Variants in OR3A1 observed in about 807,000 individuals in gnomAD.
The protein encoded by OR3A1 is olfactory receptor family 3 subfamily A member 1, also known as olfactory receptor 3A1.
For synonymous variants in OR3A1, 145 were observed against 160.0 expected, an observed-to-expected ratio of 0.91 and a Z score of 0.71; for missense variants, 402 against 393.8, an observed-to-expected ratio of 1.02 and a Z score of -0.18.
chr17:3,293,176 G>A (rs2048891212), intron 1 of OR3A1, among the ~76,000 whole-genome samples: 1 of 150,574 alleles, frequency 6.6e-6, no homozygotes. Flanking sequence ...AGGGTGGGTA[G>A]GGGGAGGCAA....
At position 3,291,336 on chromosome 17, in the gene OR3A1, C is replaced by T. The variant is rs2048864318; in HGVS notation, c.*299G>A. On this transcript the variant is annotated 3_prime_UTR_variant, in exon 2 of 2. Coordinates refer to ENST00000323404, the MANE Select transcript of OR3A1 (RefSeq NM_002550.3). ...GTAACCAACCAAAGAGTCATTCCTT[C>T]TGGAACATGAACCTGTCAGCACTCA... is the stretch of plus-strand genomic sequence containing the variant. The T allele has an allele frequency of 6.9e-6, 2 of 289,430 alleles. No individual in the cohort carries two copies. Among genetic ancestry groups the T allele is most frequent in the Admixed American group, 4.6e-5 (1 of 21,836 alleles). 17.9% of individuals were successfully genotyped at this position (289,430 alleles called of 1,614,324 possible).
At chr17:3,293,242 G>C (rs573018436) in intron 1 of OR3A1, among the ~76,000 whole-genome samples, 1 of 151,736 alleles carries the variant, frequency 6.6e-6, no homozygotes, top group Admixed American at 6.6e-5. Context: ...ATGGTGTAAA[G>C]TATGGCACCA....
rs2150622171 is a variant in OR3A1, at chr17:3,292,337, TG to T, written c.245del (p.Pro82HisfsTer4). 1 of 1,614,002 alleles carries T rather than the reference TG, an allele frequency of 6.2e-7. No individual in the cohort carries two copies. Among genetic ancestry groups the T allele is most frequent in the Non-Finnish European group, 8.5e-7 (1 of 1,179,986 alleles). On this transcript the variant is annotated frameshift_variant, in exon 2 of 2. Transcript: ENST00000323404. LOFTEE classifies it low-confidence loss of function (END_TRUNC). ...GGGACAGGAGACGACTCAACATTGA[TG>T]GAACAGTGACGCTGATGCACCCAAC... ...LDVGCISVTVPSMLSRLLSRK... is the reference protein window; with the variant it reads ...LDVGCISVTVXSMLSRLLSRK...
rs1597321760 is a variant in OR3A1 at position 3,291,848 on chromosome 17, G to A, written c.735C>T (p.Gly245=). Residue 245 remains glycine, a synonymous_variant, in exon 2 of 2, where the codon GGC becomes GGT. Coordinates refer to ENST00000323404, the MANE Select transcript of OR3A1 (RefSeq NM_002550.3). ...EGRKKAFSTC[G]SHLTVVAIFY... is the part of the protein sequence containing the mutation. ...ATATGGCAACCACAGTGAGGTGGGA[G>A]CCACATGTGGAGAAGGCTTTCTTCC... 6.2e-7 allele frequency: 1 copy of A among 1,614,066 alleles called. No homozygotes were observed. The highest frequency in any genetic ancestry group is 2.2e-5 in the East Asian group (1 of 44,888).
rs780106189 is a variant in OR3A1 at position 3,291,726 on chromosome 17, G to A, written c.857C>T (p.Pro286Leu). Residue 286 changes from proline (P) to leucine (L), a missense_variant, in exon 2 of 2, where the codon CCC (proline) becomes CTC (leucine). Transcript: ENST00000323404. ...GCTGTAGATGATTGGGTTCAGCATG[G>A]GATTGATGACAGTGTTGAAAATTCC... Reference protein sequence around the residue: ...AVGIFNTVINPMLNPIIYSFR... With the variant: ...AVGIFNTVINLMLNPIIYSFR... The A allele has an allele frequency of 9.9e-6, 16 of 1,613,646 alleles. No individual in the cohort carries two copies. Among genetic ancestry groups the A allele is most frequent in the Non-Finnish European group, 1.1e-5 (13 of 1,179,606 alleles).
intron 1 of OR3A1, among the ~76,000 whole-genome samples, chr17:3,293,699 A>C (rs1475765544): frequency 2.0e-5 from 3 of 152,212 alleles, no homozygotes. Flanking sequence ...AAGACATGGA[A>C]TCAACCCAAA....
rs185108695 is a variant in OR3A1 at position 3,297,536 on chromosome 17, T to A, written c.-7+747A>T. On this transcript the variant is annotated intron_variant, in intron 1 of 1. Transcript: ENST00000323404. Reference sequence around the variant, plus strand: ...TTTCCTGGTCCTGCCCCATCTCATATTCCTGTCCACTAAACTCTGCGGCAC... The same window carrying A: ...TTTCCTGGTCCTGCCCCATCTCATAATCCTGTCCACTAAACTCTGCGGCAC... Among the ~76,000 whole-genome samples, 104 of 148,458 alleles carry A rather than the reference T, an allele frequency of 7.0e-4. 4 individuals carry two copies. The highest frequency in any genetic ancestry group is 2.3e-3 in the African/African-American group (88 of 37,976).
At chr17:3,296,444 T>C (rs913634714) in intron 1 of OR3A1, among the ~76,000 whole-genome samples, 10 of 152,126 alleles carry the variant, frequency 6.6e-5, no homozygotes, top group Non-Finnish European at 1.0e-4. Context: ...AAAGTCATAA[T>C]AAAAGCAAAA....
At position 3,292,150 on chromosome 17, in the gene OR3A1, T is replaced by C; in HGVS notation, c.433A>G (p.Arg145Gly). Residue 145 changes from arginine to glycine, a missense_variant, in exon 2 of 2, where the codon AGG becomes GGG. Physicochemically the swap from Arg to Gly is moderately radical, Grantham distance 125 (BLOSUM62 -2). Transcript: ENST00000323404. The stretch of plus-strand genomic sequence containing the variant: ...GCCCAGGACGCAGCCACCAACATCC[T>C]CTGGACTGTCTGACTCATGCGGGTG... ...YSTRMSQTVQ[R>G]MLVAASWACA... 6.2e-7 allele frequency: 1 copy of C among 1,614,112 alleles called. No individual in the cohort carries two copies. The highest frequency in any genetic ancestry group is 8.5e-7 in the Non-Finnish European group (1 of 1,180,008).
At position 3,296,340 on chromosome 17, in the gene OR3A1, G is replaced by A. The variant is rs189481322; in HGVS notation, c.-7+1943C>T. Among the ~76,000 whole-genome samples, 47 of 152,206 alleles carry A rather than the reference G, an allele frequency of 3.1e-4. 1 individual carries two copies. Among genetic ancestry groups the A allele is most frequent in the Admixed American group, 2.5e-3 (38 of 15,286 alleles). On this transcript the variant is annotated intron_variant, in intron 1 of 1. Coordinates refer to ENST00000323404, the MANE Select transcript of OR3A1 (RefSeq NM_002550.3). ...ATTTTAAAAAATGGATTAAATCAGT[G>A]TTCAGAAAAGAATTCGTAGCCTTAA...
rs773325450 is a variant in OR3A1 at position 3,291,588 on chromosome 17, T to C, written c.*47A>G. On this transcript the variant is annotated 3_prime_UTR_variant, in exon 2 of 2. Coordinates refer to ENST00000323404, the MANE Select transcript of OR3A1 (RefSeq NM_002550.3). The stretch of plus-strand genomic sequence containing the variant: ...TCCTAGTTTCTGGCTCTAGAAGACT[T>C]TTCCTTTAGTACAAGACACAGGGAG... The C allele has an allele frequency of 6.8e-7, 1 of 1,465,476 alleles. No homozygotes were observed. The highest frequency in any genetic ancestry group is 9.2e-7 in the Non-Finnish European group (1 of 1,087,662). The allele number at this position is 1,465,476 out of a possible 1,614,324, so 90.8% of individuals were successfully genotyped here. A position where few individuals can be genotyped will look rare whatever the true frequency, so the allele number is the denominator to read the frequency against.
rs1164937547 is a variant in OR3A1, at chr17:3,292,347, A to G, written c.236T>C (p.Val79Ala). The change falls in exon 2 of 2, where the codon GTC becomes GCC. Residue 79 changes from valine to alanine, a missense_variant. Transcript: ENST00000323404. ...ACGACTCAACATTGATGGAACAGTGACGCTGATGCACCCAACATCCAGCAC... is the reference window on the plus strand; with the variant it reads ...ACGACTCAACATTGATGGAACAGTGGCGCTGATGCACCCAACATCCAGCAC... ...LSVLDVGCIS[V>A]TVPSMLSRLL... 7 of 1,614,014 alleles carry G rather than the reference A, an allele frequency of 4.3e-6. No individual in the cohort carries two copies. The highest frequency in any genetic ancestry group is 5.9e-6 in the Non-Finnish European group (7 of 1,180,030).
rs2048906060 is a variant in OR3A1 at position 3,294,748 on chromosome 17, T to C, written c.-6-2160A>G. Among the ~76,000 whole-genome samples the C allele has an allele frequency of 3.3e-5, 5 of 152,172 alleles. No individual in the cohort carries two copies. The South Asian group carries it at 1.0e-3, about 32-fold the overall frequency. ...AGAAATTAAGGTAGCATATCATTTC[T>C]CCAAAGTAACAGTCAAAGTTGGAAT... On this transcript the variant is annotated intron_variant, in intron 1 of 1. Transcript: ENST00000323404.
rs374353437 is a variant in OR3A1, at chr17:3,291,842, G to A, written c.741C>T (p.His247=). ...CATAGAATATGGCAACCACAGTGAGGTGGGAGCCACATGTGGAGAAGGCTT... is the reference window on the plus strand; with the variant it reads ...CATAGAATATGGCAACCACAGTGAGATGGGAGCCACATGTGGAGAAGGCTT... The part of the protein sequence containing the change: ...RKKAFSTCGS[H]LTVVAIFYGS... Residue 247 remains histidine (H), a synonymous_variant, in exon 2 of 2, where the codon CAC becomes CAT. Coordinates refer to ENST00000323404, the MANE Select transcript of OR3A1 (RefSeq NM_002550.3). The A allele has an allele frequency of 1.9e-6, 3 of 1,613,934 alleles. No individual in the cohort carries two copies. Among genetic ancestry groups the A allele is most frequent in the Non-Finnish European group, 2.5e-6 (3 of 1,179,872 alleles).
chr17:3,292,406 G>A lies in OR3A1; in HGVS notation c.177C>T (p.His59=), dbSNP rs753624530. Residue 59 remains histidine, a synonymous_variant, in exon 2 of 2, where the codon CAC becomes CAT. Coordinates refer to ENST00000323404, the MANE Select transcript of OR3A1 (RefSeq NM_002550.3). ...TCCCCAGGAAGAAGTACATGGGGGT[G>A]TGGAGTTTGGGCTCCACCAAGACAG... ...LAAVLVEPKL[H]TPMYFFLGNL... 2 of 1,614,048 alleles carry A rather than the reference G, an allele frequency of 1.2e-6. No homozygotes were observed. Among genetic ancestry groups the A allele is most frequent in the Non-Finnish European group, 1.7e-6 (2 of 1,180,008 alleles).
chr17:3,295,846 G>A (rs903868975), intron 1 of OR3A1, among the ~76,000 whole-genome samples: 2 of 152,076 alleles, frequency 1.3e-5, no homozygotes, highest in Admixed American at 1.3e-4. Context: ...TTTATAAGGG[G>A]TGCAAGAAGA....
intron 1 of OR3A1, among the ~76,000 whole-genome samples, chr17:3,297,864 G>A (rs1258368293): frequency 6.6e-6 from 1 of 152,100 alleles, no homozygotes. Context: ...TGTGCAACAC[G>A]ATAAAAGATT....
intron 1 of OR3A1, among the ~76,000 whole-genome samples, chr17:3,293,028 C>T (rs567169256): frequency 2.0e-5 from 3 of 152,046 alleles, no homozygotes; most frequent in Admixed American, 2.0e-4. Context: ...TAGTAAGTGT[C>T]CACAACCCCA....
Position 3,291,786 on chromosome 17 carries a change from C to T in OR3A1, c.797G>A (p.Gly266Asp). The T allele has an allele frequency of 6.2e-7, 1 of 1,613,714 alleles. No individual in the cohort carries two copies. The highest frequency in any genetic ancestry group is 1.7e-4 in the Middle Eastern group (1 of 6,060). The stretch of plus-strand genomic sequence containing the variant: ...ATCCTTGTCTGAAAGCTTGGTTGAA[C>T]CCAGTCGCATATAGTTAAAGATACC... ...GSGIFNYMRL[G>D]STKLSDKDKA... is the part of the protein sequence containing the mutation. Residue 266 changes from glycine to aspartate, a missense_variant, in exon 2 of 2, where the codon GGT becomes GAT. Transcript: ENST00000323404.
Sources: allele counts gnomAD v4.1 joint callset (sites outside exome capture counted in the v4.1 genomes callset), GRCh38; gene constraint gnomAD v4.1.1; transcripts MANE v1.5; gene names NCBI Gene and HGNC (gene_info 2026-07-23, HGNC 2026-07-21).